ODF2: variants seen among roughly 807,000 people sequenced by gnomAD.
The protein encoded by ODF2 is outer dense fiber of sperm tails 2, also known as outer dense fiber protein 2.
A neutral mutation model predicts 110.2 loss-of-function variants in ODF2; 47 were observed. The ratio of observed to expected loss-of-function variants is 0.43; its 90% CI spans 0.34 to 0.54. ODF2 has a LOEUF of 0.54. Ranked by LOEUF, ODF2 falls within the 20% of genes least tolerant of loss-of-function variation. The pLI, the probability that ODF2 is intolerant of heterozygous loss-of-function variation, is 0.03. For missense variants in ODF2, 812 were observed against 1,054.5 expected, an observed-to-expected ratio of 0.77 and a Z score of 3.19; for synonymous variants, 352 against 397.7, an observed-to-expected ratio of 0.89 and a Z score of 1.37.
exon 19 of ODF2, chr9:128,498,460 T>C: frequency 6.2e-7 from 1 of 1,612,798 alleles, no homozygotes; most frequent in Non-Finnish European, 8.5e-7. Context: ...CTACAGGTGA[T>C]TGCCAAGAGG....
chr9:128,466,986 A>T (rs1452704088), intron 4 of ODF2, among the ~76,000 whole-genome samples: 9 of 16,262 alleles, frequency 5.5e-4, no homozygotes, highest in African/African-American at 1.7e-3. Flanking sequence ...CAATTAAAAA[A>T]AAAAAAAAAA....
chr9:128,475,137 A>G (rs974262798), intron 8 of ODF2, among the ~76,000 whole-genome samples: 2 of 152,220 alleles, frequency 1.3e-5, no homozygotes, highest in Admixed American at 6.5e-5. Context: ...CCTGAATCAT[A>G]TAACAACTAT....
In ODF2 at chr9:128,482,069, A is replaced by G. The variant is rs368741455; in HGVS notation, c.915+418A>G. ...TTCATGGAACCCTAAGTTCCTCAAG[A>G]TGTTAATGAGTGCAAGAAACCGAAG... On this transcript the variant is annotated intron_variant, in intron 9 of 20. Transcript: ENST00000604420. Among the ~76,000 whole-genome samples the G allele has an allele frequency of 2.6e-5, 4 of 152,356 alleles. No individual in the cohort carries two copies. The East Asian group carries it at 5.8e-4, about 22-fold the overall frequency.
chr9:128,459,490 G>A, intron 2 of ODF2, 77 bp from the exon 2 acceptor site: 1 of 1,150,996 alleles, frequency 8.7e-7, no homozygotes, highest in Non-Finnish European at 1.3e-6. Context: ...CGTAGTCAGT[G>A]TGTAATTTCA....
At chr9:128,488,768 C>T (rs972756254) in intron 14 of ODF2, among the ~76,000 whole-genome samples, 1 of 152,118 alleles carries the variant, frequency 6.6e-6, no homozygotes, top group South Asian at 2.1e-4. Context: ...CTTTGGGAGG[C>T]TGAGGCAGGC....
intron 9 of ODF2, 24 bp downstream of exon 9, chr9:128,481,675 C>T: frequency 6.2e-7 from 1 of 1,601,282 alleles, no homozygotes; most frequent in Non-Finnish European, 8.6e-7. Flanking sequence ...CCCTTGTCTA[C>T]TCTAGTGGGT....
At chr9:128,482,700 C>A in intron 9 of ODF2, 116 bp from the exon 10 acceptor site, 1 of 631,152 alleles carries the variant, frequency 1.6e-6, no homozygotes, top group Non-Finnish European at 2.8e-6. Flanking sequence ...CTGACATGGG[C>A]CAATGTATGT....
At chr9:128,457,398 G>GC in exon 2 of ODF2, 1 of 1,613,154 alleles carries the variant, frequency 6.2e-7, no homozygotes, top group Non-Finnish European at 8.5e-7. Flanking sequence ...CGGCTTTGAT[G>GC]CCTAGCCATG....
intron 14 of ODF2, among the ~76,000 whole-genome samples, chr9:128,488,589 G>A (rs547829815): frequency 3.0e-4 from 45 of 152,334 alleles, no homozygotes; most frequent in Admixed American, 2.0e-3. Flanking sequence ...CTCAGCCTGC[G>A]CACATGAGAT....
At chr9:128,487,803 A>AT in intron 13 of ODF2, 87 bp from the exon 14 acceptor site, 1 of 983,070 alleles carries the variant, frequency 1.0e-6, no homozygotes, top group Non-Finnish European at 1.4e-6. Context: ...CAAACAAACA[A>AT]AACACACACA....
exon 8 of ODF2, chr9:128,473,691 G>C (rs1460674590): frequency 6.2e-7 from 1 of 1,613,598 alleles, no homozygotes; most frequent in East Asian, 2.2e-5. Context: ...CACATTTGAG[G>C]AGACCAACCG....
intron 14 of ODF2, among the ~76,000 whole-genome samples, chr9:128,490,553 G>T (rs1417865999): frequency 6.6e-6 from 1 of 152,050 alleles, no homozygotes; most frequent in African/African-American, 2.4e-5. Flanking sequence ...CCAAAGTGTT[G>T]GGTTTATAGG....
At chr9:128,481,650 C>A (rs898916774) in exon 9 of ODF2, 5 of 1,612,984 alleles carry the variant, frequency 3.1e-6, no homozygotes, top group Non-Finnish European at 4.2e-6. Flanking sequence ...TCAGAGAAAG[C>A]GGTAACTAAG....
chr9:128,474,654 C>G (rs1316715142), intron 8 of ODF2, among the ~76,000 whole-genome samples: 1 of 146,410 alleles, frequency 6.8e-6, no homozygotes, highest in Non-Finnish European at 1.5e-5. Flanking sequence ...GAGCGAGACT[C>G]CATCTAAAAA....
rs185659847 is a variant in ODF2 at position 128,460,141 on chromosome 9, C to T, written c.123+484C>T. ...CTGAGCATTTTGTGTGTTTCCCACG[C>T]CAATCTGCATGCCCAGTTGAGATCA... On this transcript the variant is annotated intron_variant, in intron 3 of 20. Coordinates refer to ENST00000604420, the Ensembl canonical transcript of ODF2. 5 of 1,295,968 alleles carry T rather than the reference C, an allele frequency of 3.9e-6. No individual in the cohort carries two copies. The East Asian group carries it at 2.7e-4, about 71-fold the overall frequency. 80.3% of individuals were successfully genotyped at this position (1,295,968 alleles called of 1,614,324 possible). A position where few individuals can be genotyped will look rare whatever the true frequency, so the allele number is the denominator to read the frequency against.
exon 5 of ODF2, chr9:128,469,305 TAAG>T (rs1181529813): frequency 6.2e-7 from 1 of 1,614,160 alleles, no homozygotes; most frequent in Non-Finnish European, 8.5e-7. Context: ...ACCGTTATGA[TAAG>T]AAGATTGATA....
At chr9:128,482,223 G>A (rs939180256) in intron 9 of ODF2, among the ~76,000 whole-genome samples, 1 of 152,234 alleles carries the variant, frequency 6.6e-6, no homozygotes, top group Non-Finnish European at 1.5e-5. Context: ...CAAGAGAGGG[G>A]AGGGAGACGG....
At chr9:128,457,389 G>C in exon 2 of ODF2, 1 of 1,613,148 alleles carries the variant, frequency 6.2e-7, no homozygotes, top group Non-Finnish European at 8.5e-7. Context: ...CCACCTTTGC[G>C]GCTTTGATGC....
At chr9:128,475,578 C>T (rs1220798914) in intron 8 of ODF2, among the ~76,000 whole-genome samples, 1 of 152,052 alleles carries the variant, frequency 6.6e-6, no homozygotes, top group African/African-American at 2.4e-5. Context: ...TATCCTTGAC[C>T]AATATTTCCC....
Sources: gnomAD v4.1 joint callset for allele counts (sites outside exome capture counted in the v4.1 genomes callset) on GRCh38, gnomAD v4.1.1 for gene constraint, MANE v1.5 for transcripts, NCBI Gene and HGNC (gene_info 2026-07-23, HGNC 2026-07-21) for gene names.